The following ALPK2 variants were observed in gnomAD, a reference collection of about 807,000 sequenced individuals.
ALPK2 encodes alpha-protein kinase 2.
In ALPK2, 127 loss-of-function variants were observed where a neutral mutation model predicts 163.1. The observed-to-expected ratio is 0.78, with a 90% CI of 0.67 to 0.90. The LOEUF is 0.90. ALPK2 is among the 40% of genes least tolerant of loss of function. The pLI, the probability that ALPK2 is intolerant of heterozygous loss-of-function variation, is 0.00. For synonymous variants in ALPK2, 953 were observed against 959.1 expected (o/e 0.99, Z 0.12); for missense variants, 2,360 against 2,589.6 (o/e 0.91, Z 1.92).
chr18:58,590,206 C>T (rs2052007799), intron 3 of ALPK2, among the ~76,000 whole-genome samples: 1 of 126,230 alleles, frequency 7.9e-6, no homozygotes, highest in African/African-American at 3.1e-5. Flanking sequence ...GGCGACAGAG[C>T]GAGGCTCCAT....
At chr18:58,608,944 T>G (rs2052112873) in intron 2 of ALPK2, among the ~76,000 whole-genome samples, 1 of 139,772 alleles carries the variant, frequency 7.2e-6, no homozygotes, top group African/African-American at 2.7e-5. Context: ...GGCGACAGAG[T>G]GGGACCTTGT....
At chr18:58,605,679 T>G (rs1447421245) in intron 3 of ALPK2, among the ~76,000 whole-genome samples, 1 of 152,196 alleles carries the variant, frequency 6.6e-6, no homozygotes, top group Non-Finnish European at 1.5e-5. Flanking sequence ...TACAGCTGGT[T>G]TCTAAGCTGA....
At chr18:58,532,082 C>T (rs74773223) in intron 5 of ALPK2, among the ~76,000 whole-genome samples, 5,447 of 151,918 alleles carry the variant, frequency 0.036, 115 homozygotes, top group Non-Finnish European at 0.046. Context: ...GGATTAGTGC[C>T]CACAGTGGAT....
At chr18:58,560,204 T>G (rs967783667) in intron 4 of ALPK2, among the ~76,000 whole-genome samples, 2 of 152,198 alleles carry the variant, frequency 1.3e-5, no homozygotes, top group African/African-American at 4.8e-5. Flanking sequence ...TCTCACAAGA[T>G]CTGATGGTTT....
At chr18:58,559,561 C>T (rs2051814114) in intron 4 of ALPK2, among the ~76,000 whole-genome samples, 1 of 152,170 alleles carries the variant, frequency 6.6e-6, no homozygotes, top group Admixed American at 6.5e-5. Context: ...ATTCTGTGGA[C>T]TTGGAAACTT....
At chr18:58,601,639 T>G (rs2144221617) in intron 3 of ALPK2, among the ~76,000 whole-genome samples, 1 of 152,240 alleles carries the variant, frequency 6.6e-6, no homozygotes, top group Non-Finnish European at 1.5e-5. Context: ...AGAGCCCATG[T>G]GGAGGAGAGC....
chr18:58,531,251 T>G (rs2051612314), intron 5 of ALPK2, among the ~76,000 whole-genome samples: 1 of 152,132 alleles, frequency 6.6e-6, no homozygotes. Context: ...TCTTTTATAA[T>G]GATCCAAGTC....
chr18:58,509,015 C>G (rs2051475705), intron 10 of ALPK2, among the ~76,000 whole-genome samples: 1 of 149,302 alleles, frequency 6.7e-6, no homozygotes, highest in Non-Finnish European at 1.5e-5. Context: ...GATATATCTC[C>G]TAATGCTATC....
rs1568101798 is a variant in ALPK2 at position 58,613,716 on chromosome 18, ATAAT to A, written c.-20-1903_-20-1900del. Among the ~76,000 whole-genome samples, 752 of 127,550 alleles carry A rather than the reference ATAAT, an allele frequency of 5.9e-3. 23 individuals are homozygous for A. Among genetic ancestry groups the A allele is most frequent in the African/African-American group, 0.026 (661 of 25,574 alleles). 83.7% of individuals were successfully genotyped at this position (127,550 alleles called of 152,430 possible). On this transcript the variant is annotated intron_variant, in intron 1 of 12. Coordinates refer to ENST00000361673, the MANE Select transcript of ALPK2 (RefSeq NM_052947.4). ...TCCATCTCAAAAAAAAAAAATAATAATAATAATAATAATAATAATAATAATAATA... is the reference window on the plus strand; with the variant it reads ...TCCATCTCAAAAAAAAAAAATAATAAAATAATAATAATAATAATAATAATA...
intron 4 of ALPK2, among the ~76,000 whole-genome samples, chr18:58,574,925 C>T (rs2051911297): frequency 6.6e-6 from 1 of 152,134 alleles, no homozygotes; most frequent in Admixed American, 6.5e-5. Flanking sequence ...TAGAATCACA[C>T]CTAACTGGCT....
intron 2 of ALPK2, among the ~76,000 whole-genome samples, chr18:58,608,771 G>A (rs2052111446): frequency 6.6e-6 from 1 of 152,032 alleles, no homozygotes; most frequent in South Asian, 2.1e-4. Context: ...GGGCCACATG[G>A]CAAAACCTCA....
chr18:58,539,275 C>G (rs989312029), intron 4 of ALPK2, among the ~76,000 whole-genome samples: 2 of 152,064 alleles, frequency 1.3e-5, no homozygotes, highest in African/African-American at 4.8e-5. Flanking sequence ...TGCCCAGTGG[C>G]AGGCAGACCA....
intron 3 of ALPK2, among the ~76,000 whole-genome samples, chr18:58,605,459 G>A (rs1393623346): frequency 6.6e-6 from 1 of 152,220 alleles, no homozygotes; most frequent in African/African-American, 2.4e-5. Flanking sequence ...AAATATTTAT[G>A]TTGTAGGCAC....
At position 58,578,966 on chromosome 18, in the gene ALPK2, T is replaced by A; in HGVS notation, c.1810A>T (p.Ile604Phe). The A allele has an allele frequency of 1.2e-6, 2 of 1,614,238 alleles. No homozygotes were observed. The highest frequency in any genetic ancestry group is 1.7e-6 in the Non-Finnish European group (2 of 1,180,040). Residue 604 changes from isoleucine (I) to phenylalanine (F), a missense_variant, in exon 4 of 13, where the codon ATT (isoleucine) becomes TTT (phenylalanine). Physicochemically the swap from Ile to Phe is conservative, Grantham distance 21. Coordinates refer to ENST00000361673, the MANE Select transcript of ALPK2 (RefSeq NM_052947.4). ...GCTTCTTGCTCTGCCTGGGTTGAAA[T>A]AGCACATTCTCTTGCATCAGCATGG... The part of the protein sequence containing the change: ...SSHADARECA[I>F]STQAEQEAKT...
chr18:58,538,254 A>G, intron 4 of ALPK2, 30 bp from the exon 5 acceptor site: 3 of 1,581,956 alleles, frequency 1.9e-6, no homozygotes, highest in Non-Finnish European at 2.6e-6. Context: ...TATTAGTAGA[A>G]TTGTTCATGG....
At chr18:58,590,218 T>TAA (rs11286325) in intron 3 of ALPK2, among the ~76,000 whole-genome samples, 11 of 97,222 alleles carry the variant, frequency 1.1e-4, no homozygotes, top group African/African-American at 2.9e-4. Flanking sequence ...AGGCTCCATC[T>TAA]AAAAAAAAAA....
At chr18:58,483,064 A>G (rs1036476025) in intron 12 of ALPK2, among the ~76,000 whole-genome samples, 3 of 152,164 alleles carry the variant, frequency 2.0e-5, no homozygotes, top group South Asian at 4.1e-4. Flanking sequence ...GGAGGAGGCC[A>G]GGTGAGCATA....
chr18:58,561,649 A>T (rs925312890), intron 4 of ALPK2, among the ~76,000 whole-genome samples: 25 of 152,300 alleles, frequency 1.6e-4, no homozygotes, highest in African/African-American at 5.5e-4. Context: ...ATCACTGGGG[A>T]TCCTCTAAAG....
intron 4 of ALPK2, among the ~76,000 whole-genome samples, chr18:58,541,882 G>A (rs75027999): frequency 0.021 from 3,195 of 152,282 alleles, 110 homozygotes; most frequent in African/African-American, 0.071. Context: ...CAGAGAAAGG[G>A]AAACCACAGA....
Sources: allele counts gnomAD v4.1 joint callset (sites outside exome capture counted in the v4.1 genomes callset), GRCh38; gene constraint gnomAD v4.1.1; transcripts MANE v1.5; gene names NCBI Gene and HGNC (gene_info 2026-07-23, HGNC 2026-07-21).